TMEM63B: variants seen among roughly 807,000 people sequenced by gnomAD.
The protein encoded by TMEM63B is mechanosensitive cation channel TMEM63B.
TMEM63B carries 23 observed loss-of-function variants against 102.6 expected under a neutral mutation model. The observed-to-expected ratio is 0.22, with a 90% CI of 0.16 to 0.32. The LOEUF (loss-of-function observed/expected upper bound fraction) is 0.32. Among genes scored for constraint, TMEM63B ranks in the 10% least tolerant of loss-of-function variants. The pLI is 1.00. For synonymous variants in TMEM63B, 444 were observed against 437.0 expected, an observed-to-expected ratio of 1.02 and a Z score of -0.20; for missense variants, 628 against 1,095.9, an observed-to-expected ratio of 0.57 and a Z score of 6.03.
chr6:44,143,752 G>A (rs1764786375), intron 10 of TMEM63B, among the ~76,000 whole-genome samples: 1 of 152,120 alleles, frequency 6.6e-6, no homozygotes, highest in African/African-American at 2.4e-5. Context: ...GTGTCAAGAA[G>A]AGGTAGGTGC....
At chr6:44,143,167 G>C (rs1764648610) in intron 10 of TMEM63B, among the ~76,000 whole-genome samples, 1 of 152,162 alleles carries the variant, frequency 6.6e-6, no homozygotes, top group South Asian at 2.1e-4. Flanking sequence ...ATCTGGTCAG[G>C]GTCAGATTCC....
At chr6:44,138,428 G>A (rs895575126) in intron 5 of TMEM63B, 52 bp from the exon 6 acceptor site, 4 of 1,612,784 alleles carry the variant, frequency 2.5e-6, no homozygotes, top group Non-Finnish European at 3.4e-6. Context: ...GGAGGAGAGA[G>A]GTTCGGGTTG....
rs887162585 is a variant in TMEM63B at position 44,136,504 on chromosome 6, G to T, written c.369+65G>T. On this transcript the variant is annotated intron_variant, in intron 5 of 23. Transcript: ENST00000323267. ...ACCCCCAGGGCACATGGGCTGAGAA[G>T]TCCCTCACTTTCAGTGATGTGGAGT... 1.3e-5 allele frequency: 15 copies of T among 1,133,432 alleles called. No individual in the cohort carries two copies. In the East Asian group the frequency reaches 3.8e-4, roughly 29 times the overall value. The allele number at this position is 1,133,432 out of a possible 1,614,324, so 70.2% of individuals were successfully genotyped here.
At position 44,152,063 on chromosome 6, in the gene TMEM63B, A is replaced by G; in HGVS notation, c.1836+55A>G. ...CACAGCGCCCCCTGGTGGCCCAACA[A>G]GAAACAGCAGCCATCGCGCTAGGGT... On this transcript the variant is annotated intron_variant, in intron 19 of 23. Transcript: ENST00000323267. The surrounding 1 kb of genome is among the most constrained non-coding windows in gnomAD (Gnocchi z 6.4). 1 of 1,527,736 alleles carries G rather than the reference A, an allele frequency of 6.5e-7. No homozygotes were observed. The highest frequency in any genetic ancestry group is 8.8e-7 in the Non-Finnish European group (1 of 1,140,800). The allele number at this position is 1,527,736 out of a possible 1,614,324, so 94.6% of individuals were successfully genotyped here.
At chr6:44,134,222 A>T (rs919513550) in intron 1 of TMEM63B, among the ~76,000 whole-genome samples, 23 of 152,070 alleles carry the variant, frequency 1.5e-4, no homozygotes, top group African/African-American at 5.3e-4. Context: ...TAAGACAGAG[A>T]GAATGAGAGT....
chr6:44,135,097 G>A lies in TMEM63B; in HGVS notation c.239+1G>A. The stretch of plus-strand genomic sequence containing the variant: ...TGGCCTTGGTGACAGATGCAGACAG[G>A]TAAGGGTCTGGGACCCTCCCTCTAG... On this transcript the variant is annotated splice_donor_variant, in intron 3 of 23. Transcript: ENST00000323267. LOFTEE classifies it high-confidence loss of function. The A allele has an allele frequency of 6.2e-7, 1 of 1,614,152 alleles. No individual in the cohort carries two copies. Among genetic ancestry groups the A allele is most frequent in the Non-Finnish European group, 8.5e-7 (1 of 1,179,962 alleles).
intron 22 of TMEM63B, 51 bp from the exon 23 acceptor site, chr6:44,154,314 T>G (rs1337786446): frequency 1.4e-5 from 22 of 1,606,534 alleles, no homozygotes; most frequent in Non-Finnish European, 1.7e-5. Flanking sequence ...GGGGTCATGA[T>G]CAGGGCTGAG....
chr6:44,138,736 G>GTCCCCCCCGCC, intron 6 of TMEM63B: 1 of 280,538 alleles, frequency 3.6e-6, no homozygotes, highest in Non-Finnish European at 6.9e-6. Context: ...CCCCCTGCCG[G>GTCCCCCCCGCC]CCCCCCCGCT....
intron 5 of TMEM63B, among the ~76,000 whole-genome samples, chr6:44,136,787 C>T (rs567552962): frequency 6.6e-6 from 1 of 152,272 alleles, no homozygotes; most frequent in Non-Finnish European, 1.5e-5. Flanking sequence ...TGGCTCACGC[C>T]TGTAATCCCA....
rs1286379336 is a variant in TMEM63B, at chr6:44,154,369, A to G, written c.2231A>G (p.Glu744Gly). 6.2e-7 allele frequency: 1 copy of G among 1,613,806 alleles called. No homozygotes were observed. The highest frequency in any genetic ancestry group is 2.2e-5 in the East Asian group (1 of 44,876). ...ACTCATTCTGGGCCCCTCAAGATTG[A>G]GCACACGGAGACAGATACTGTGGAC... The part of the protein sequence containing the change: ...KYLSAHNYKI[E>G]HTETDTVDPR... The change falls in exon 23 of 24, where the codon GAG (glutamate) becomes GGG (glycine). Residue 744 changes from glutamate to glycine, a missense_variant. Glu to Gly is a moderately conservative substitution (Grantham distance 98). Around this residue, in one of 6 missense-constraint regions of TMEM63B, gnomAD observed 129 missense variants for 153.5 expected, o/e 0.84. Transcript: ENST00000323267.
At position 44,154,860 on chromosome 6, in the gene TMEM63B, A is replaced by G; in HGVS notation, c.2476A>G (p.Ile826Val). ...TDFQSCEDSL[I>V]ENEIHQ The stretch of plus-strand genomic sequence containing the variant: ...CTTCCAGTCTTGCGAGGACAGCCTC[A>G]TAGAGAATGAGATTCACCAGTAAGG... The change falls in exon 24 of 24, where the codon ATA becomes GTA. Residue 826 changes from isoleucine to valine, a missense_variant. Coordinates refer to ENST00000323267, the MANE Select transcript of TMEM63B (RefSeq NM_018426.3). 1 of 1,590,672 alleles carries G rather than the reference A, an allele frequency of 6.3e-7. No individual in the cohort carries two copies. The highest frequency in any genetic ancestry group is 8.5e-7 in the Non-Finnish European group (1 of 1,169,846).
Position 44,146,941 on chromosome 6 carries a change from G to T in TMEM63B, c.863+14G>T. 6.2e-7 allele frequency: 1 copy of T among 1,613,784 alleles called. No homozygotes were observed. Among genetic ancestry groups the T allele is most frequent in the Non-Finnish European group, 8.5e-7 (1 of 1,179,856 alleles). ...CGATGCAGAGAGGTAAGGGACTGGG[G>T]GCAGAGGAGGGTGACACCAAGGGCC... On this transcript the variant is annotated intron_variant, in intron 11 of 23. Coordinates refer to ENST00000323267, the MANE Select transcript of TMEM63B (RefSeq NM_018426.3).
intron 1 of TMEM63B, among the ~76,000 whole-genome samples, chr6:44,131,627 G>A: frequency 6.6e-6 from 1 of 152,080 alleles, no homozygotes. Flanking sequence ...GCTGAGGCAG[G>A]AGAATCCCTT....
chr6:44,143,538 T>A (rs965814437), intron 10 of TMEM63B, among the ~76,000 whole-genome samples: 1 of 151,576 alleles, frequency 6.6e-6, no homozygotes, highest in East Asian at 1.9e-4. Context: ...TTGGAATCAG[T>A]TGTCAGCTTG....
chr6:44,138,389 G>A (rs937042029), intron 5 of TMEM63B, 91 bp from the exon 6 acceptor site: 77 of 1,526,148 alleles, frequency 5.0e-5, no homozygotes, highest in Non-Finnish European at 6.5e-5. Context: ...TATGCCTGGA[G>A]GTAATTATGA....
rs1765686453 is a variant in TMEM63B at position 44,147,591 on chromosome 6, G to A, written c.987+91G>A. ...CCCTGCCCTCAGTGAGTCCCCACCT[G>A]TCCCTGGAATCCTTGAAGCCTCAGT... is the stretch of plus-strand genomic sequence containing the variant. On this transcript the variant is annotated intron_variant, in intron 12 of 23. Transcript: ENST00000323267. The A allele has an allele frequency of 9.2e-6, 14 of 1,524,510 alleles. 1 individual carries two copies. The South Asian group carries it at 1.6e-4, about 17-fold the overall frequency. 94.4% of individuals were successfully genotyped at this position (1,524,510 alleles called of 1,614,324 possible). A position where few individuals can be genotyped will look rare whatever the true frequency, so the allele number is the denominator to read the frequency against.
chr6:44,153,536 G>A, intron 20 of TMEM63B, 140 bp from the exon 21 acceptor site: 1 of 848,270 alleles, frequency 1.2e-6, no homozygotes, highest in Non-Finnish European at 1.8e-6. Context: ...TGGGGCACGG[G>A]GCACTATCCC....
chr6:44,135,141 TG>T, intron 3 of TMEM63B, 45 bp downstream of exon 3: 1 of 1,605,900 alleles, frequency 6.2e-7, no homozygotes, highest in South Asian at 1.1e-5. Flanking sequence ...ACACACATCT[TG>T]TTCCACACTC....
intron 20 of TMEM63B, 96 bp from the exon 21 acceptor site, chr6:44,153,578 ACC>A: frequency 6.3e-6 from 9 of 1,438,840 alleles, no homozygotes; most frequent in Non-Finnish European, 8.4e-6. Context: ...GAGGGGGCCA[ACC>A]CTTCAGCACT....
Sources: allele counts gnomAD v4.1 joint callset (sites outside exome capture counted in the v4.1 genomes callset), GRCh38; gene constraint gnomAD v4.1.1; regional missense constraint gnomAD v4.1.1; non-coding constraint Gnocchi (gnomAD v3.1); transcripts MANE v1.5; gene names NCBI Gene and HGNC (gene_info 2026-07-23, HGNC 2026-07-21).